TIPRL: variants seen among roughly 807,000 people sequenced by gnomAD.
The protein encoded by TIPRL is TOR signaling pathway regulator, also known as TIP41-like protein.
Under a neutral mutation model 32.3 loss-of-function variants are expected in TIPRL, and 10 were observed. The ratio of observed to expected loss-of-function variants is 0.31; its 90% confidence interval spans 0.19 to 0.52. TIPRL has a LOEUF of 0.52. Among genes scored for constraint, TIPRL ranks in the 20% least tolerant of loss-of-function variants. The pLI, the probability that TIPRL is intolerant of heterozygous loss-of-function variation, is 0.96. For missense variants in TIPRL, 250 were observed against 328.1 expected, an observed-to-expected ratio of 0.76 and a Z score of 1.84; for synonymous variants, 100 against 114.0, an observed-to-expected ratio of 0.88 and a Z score of 0.78.
intron 4 of TIPRL, among the ~76,000 whole-genome samples, chr1:168,195,366 A>G (rs1340328297): frequency 6.6e-6 from 1 of 152,130 alleles, no homozygotes; most frequent in Non-Finnish European, 1.5e-5. Flanking sequence ...CAGCAGACTT[A>G]GGTACTTCTT....
intron 4 of TIPRL, chr1:168,192,208 C>A: frequency 6.7e-7 from 1 of 1,490,726 alleles, no homozygotes; most frequent in East Asian, 2.7e-5. Flanking sequence ...CAATTTTCAG[C>A]CTGGTGGCGG....
intron 3 of TIPRL, among the ~76,000 whole-genome samples, chr1:168,191,081 A>G (rs977117323): frequency 7.2e-5 from 11 of 152,222 alleles, no homozygotes; most frequent in African/African-American, 1.9e-4. Flanking sequence ...TAATTTTCTC[A>G]TAGTCACAAC....
At chr1:168,184,177 T>A in intron 2 of TIPRL, 96 bp downstream of exon 2, 1 of 1,108,596 alleles carries the variant, frequency 9.0e-7, no homozygotes, top group Non-Finnish European at 1.3e-6. Flanking sequence ...TACGTGTGTG[T>A]TGTTAGAATG....
intron 5 of TIPRL, 134 bp downstream of exon 5, chr1:168,196,776 T>A: frequency 2.0e-6 from 1 of 495,700 alleles, no homozygotes; most frequent in Non-Finnish European, 3.3e-6. Flanking sequence ...TCTGAGTGTT[T>A]CACATTCACT....
chr1:168,187,995 A>AGATCTCAAT (rs1209439553), intron 3 of TIPRL, among the ~76,000 whole-genome samples: 2 of 152,188 alleles, frequency 1.3e-5, no homozygotes, highest in African/African-American at 4.8e-5. Flanking sequence ...TTTTGCAGTA[A>AGATCTCAAT]GATCTCAATA....
At chr1:168,193,495 C>G (rs1234676912) in intron 4 of TIPRL, among the ~76,000 whole-genome samples, 1 of 152,096 alleles carries the variant, frequency 6.6e-6, no homozygotes, top group Non-Finnish European at 1.5e-5. Flanking sequence ...TTCACCTAGT[C>G]TTGTATCTTT....
chr1:168,196,404 T>C, intron 4 of TIPRL, 143 bp from the exon 5 acceptor site: 1 of 494,456 alleles, frequency 2.0e-6, no homozygotes, highest in Non-Finnish European at 3.4e-6. Context: ...AAAGAGCTTC[T>C]AGTTGAGAGA....
intron 4 of TIPRL, 48 bp downstream of exon 4, chr1:168,191,548 C>A (rs758294158): frequency 5.8e-6 from 8 of 1,372,924 alleles, no homozygotes; most frequent in Non-Finnish European, 7.6e-6. Flanking sequence ...GCATTCTTAA[C>A]ATCAGACAAA....
intron 1 of TIPRL, 64 bp downstream of exon 1, chr1:168,179,245 C>A: frequency 1.4e-6 from 2 of 1,465,670 alleles, no homozygotes; most frequent in Non-Finnish European, 1.9e-6. Flanking sequence ...GGAGGCAGGG[C>A]GAACTCTGTG....
chr1:168,189,903 CACTT>C (rs1271482831), intron 3 of TIPRL, among the ~76,000 whole-genome samples: 4 of 152,180 alleles, frequency 2.6e-5, no homozygotes, highest in Non-Finnish European at 5.9e-5. Context: ...TTTGACCAAT[CACTT>C]ACTGAAGGCA....
At chr1:168,198,754 A>G (rs1700182460) in intron 5 of TIPRL, among the ~76,000 whole-genome samples, 165 bp from the exon 6 acceptor site, 1 of 152,210 alleles carries the variant, frequency 6.6e-6, no homozygotes, top group South Asian at 2.1e-4. Flanking sequence ...TAATAATCCA[A>G]TTTGAGTTAA....
At chr1:168,192,189 C>CTACCA in intron 4 of TIPRL, 9 of 1,481,506 alleles carry the variant, frequency 6.1e-6, no homozygotes, top group Non-Finnish European at 6.3e-6. Context: ...CATCATTCAA[C>CTACCA]TACCACTTCA....
rs144071854 is a variant in TIPRL at position 168,184,772 on chromosome 1, A to G, written c.285-7A>G. 1,227 of 1,591,798 alleles carry G rather than the reference A, an allele frequency of 7.7e-4. 20 individuals carry two copies. In the South Asian group the frequency reaches 0.013, roughly 17 times the overall value. On this transcript the variant is annotated splice_polypyrimidine_tract_variant and splice_region_variant and intron_variant, in intron 2 of 6. Coordinates refer to ENST00000367833, the MANE Select transcript of TIPRL (RefSeq NM_152902.5). ...TGAATCTGATCCTTCTCATTTTGGT[A>G]TTTGAGGACGGAGGGTGAACACTCC... is the stretch of plus-strand genomic sequence containing the variant.
At position 168,179,043 on chromosome 1, in the gene TIPRL, T is replaced by A. The variant is rs1699926503; in HGVS notation, c.-35T>A. 1 of 1,592,452 alleles carries A rather than the reference T, an allele frequency of 6.3e-7. No homozygotes were observed. Among genetic ancestry groups the A allele is most frequent in the Non-Finnish European group, 8.6e-7 (1 of 1,162,568 alleles). ...GTTCGCCGCCGCCGCTGCTTCAGCTTATTCCTTGTGGCCTCTGCGGGTCCT... is the reference window on the plus strand; with the variant it reads ...GTTCGCCGCCGCCGCTGCTTCAGCTAATTCCTTGTGGCCTCTGCGGGTCCT... On this transcript the variant is annotated 5_prime_UTR_variant, in exon 1 of 7. Transcript: ENST00000367833.
intron 3 of TIPRL, among the ~76,000 whole-genome samples, chr1:168,187,830 G>A (rs948220090): frequency 1.3e-5 from 2 of 152,000 alleles, no homozygotes; most frequent in African/African-American, 4.8e-5. Flanking sequence ...AAAATTGGCG[G>A]GTCTGGTGGC....
intron 3 of TIPRL, among the ~76,000 whole-genome samples, chr1:168,186,687 C>G (rs995789863): frequency 6.6e-6 from 1 of 151,564 alleles, no homozygotes; most frequent in South Asian, 2.1e-4. Context: ...TTTGGGAGGC[C>G]GAGGCAGGCA....
At chr1:168,195,913 T>C (rs1700147919) in intron 4 of TIPRL, among the ~76,000 whole-genome samples, 1 of 152,176 alleles carries the variant, frequency 6.6e-6, no homozygotes, top group Non-Finnish European at 1.5e-5. Flanking sequence ...TCACATTCCA[T>C]TCAACCGCTC....
intron 1 of TIPRL, among the ~76,000 whole-genome samples, chr1:168,181,719 G>A (rs1198314226): frequency 1.3e-5 from 2 of 151,490 alleles, no homozygotes; most frequent in Admixed American, 1.3e-4. Flanking sequence ...GAGTTTTAAG[G>A]GAATAAAATT....
chr1:168,188,654 A>G (rs1299406910), intron 3 of TIPRL, among the ~76,000 whole-genome samples: 1 of 152,116 alleles, frequency 6.6e-6, no homozygotes, highest in Non-Finnish European at 1.5e-5. Context: ...TTGGTCTAGG[A>G]CCAGAGTTTG....
Sources: allele counts gnomAD v4.1 joint callset (sites outside exome capture counted in the v4.1 genomes callset), GRCh38; gene constraint gnomAD v4.1.1; transcripts MANE v1.5; gene names NCBI Gene and HGNC (gene_info 2026-07-23, HGNC 2026-07-21).